POLD1: variants seen among roughly 807,000 people sequenced by gnomAD.
POLD1 encodes the protein DNA polymerase delta catalytic subunit.
Under a neutral mutation model 129.7 loss-of-function variants are expected in POLD1, and 79 were observed. The ratio of observed to expected loss-of-function variants is 0.61; its 90% CI spans 0.51 to 0.73. The LOEUF (loss-of-function observed/expected upper bound fraction) is 0.73, where lower values mean the gene tolerates loss of function less well. Ranked by LOEUF, POLD1 falls within the 30% of genes least tolerant of loss-of-function variation. The probability of loss-of-function intolerance (pLI) is 0.00; values close to 1 mark genes in which losing one functional copy is unlikely to be tolerated. For synonymous variants in POLD1, 714 were observed against 683.3 expected, an observed-to-expected ratio of 1.04 and a Z score of -0.70; for missense variants, 1,338 against 1,595.8, an observed-to-expected ratio of 0.84 and a Z score of 2.75.
In POLD1 at chr19:50,401,698, C is replaced by G. The variant is rs2122230698; in HGVS notation, c.317-80C>G. 3.3e-6 allele frequency: 5 copies of G among 1,513,118 alleles called. No homozygotes were observed. The Admixed American group carries it at 6.7e-5, about 20-fold the overall frequency. 93.7% of individuals were successfully genotyped at this position (1,513,118 alleles called of 1,614,324 possible). A position where few individuals can be genotyped will look rare whatever the true frequency, so the allele number is the denominator to read the frequency against. On this transcript the variant is annotated intron_variant, in intron 3 of 26. Transcript: ENST00000440232. ...CAGGAGTGCCCCAGGCTGCAGGCCCCAAGGTATTTCGAGGCTGTGGAGACA... is the reference window on the plus strand; with the variant it reads ...CAGGAGTGCCCCAGGCTGCAGGCCCGAAGGTATTTCGAGGCTGTGGAGACA...
intron 1 of POLD1, among the ~76,000 whole-genome samples, chr19:50,389,303 A>G (rs1049755695): frequency 2.0e-5 from 3 of 151,664 alleles, no homozygotes; most frequent in East Asian, 1.9e-4. Context: ...TATATTGTTT[A>G]TAGAGACAGG....
chr19:50,407,138 C>G lies in POLD1; in HGVS notation c.1650C>G (p.Gly550=), dbSNP rs1347433333. 4 of 1,612,696 alleles carry G rather than the reference C, an allele frequency of 2.5e-6. No individual in the cohort carries two copies. The South Asian group carries it at 4.4e-5, about 18-fold the overall frequency. ...GVPLSYLLSR[G]QQVKVVSQLL... is the part of the protein sequence containing the mutation. ...CCCTCAGCTACCTGCTCAGTCGTGG[C>G]CAGCAGGTCAAGGTCGTATCCCAGC... Residue 550 remains glycine, a synonymous_variant, in exon 13 of 27, where the codon GGC becomes GGG. Transcript: ENST00000440232.
intron 19 of POLD1, 78 bp from the exon 20 acceptor site, chr19:50,414,737 C>T (rs2039210853): frequency 1.1e-5 from 13 of 1,224,530 alleles, no homozygotes; most frequent in Admixed American, 2.6e-5. Flanking sequence ...CCCTGTCTAC[C>T]TTCAGTTTCT....
At chr19:50,401,379 ATATATATATATATTTTTTT>A (rs1315717402) in intron 3 of POLD1, among the ~76,000 whole-genome samples, 12 of 55,074 alleles carry the variant, frequency 2.2e-4, no homozygotes, top group Non-Finnish European at 4.5e-4. Context: ...ATATATATAT[ATATATATATATATTTTTTT>A]TTTTTTTTTT....
At position 50,416,721 on chromosome 19, in the gene POLD1, A is replaced by G. The variant is rs2039311344; in HGVS notation, c.3065A>G (p.Gln1022Arg). ...CIGCRTVLSHQGAVCEFCQPR... is the reference protein window; with the variant it reads ...CIGCRTVLSHRGAVCEFCQPR... ...GGCTGCCGCACAGTGCTCAGCCACCAGGGTGAGCGGCCCTGGCCACTGGGC... is the reference window on the plus strand; with the variant it reads ...GGCTGCCGCACAGTGCTCAGCCACCGGGGTGAGCGGCCCTGGCCACTGGGC... The change falls in exon 24 of 27, where the codon CAG becomes CGG. Residue 1022 changes from glutamine (Q) to arginine (R), a missense_variant and splice_region_variant. By Grantham distance (43) the Gln-to-Arg change is conservative. Transcript: ENST00000440232. 1 of 1,532,922 alleles carries G rather than the reference A, an allele frequency of 6.5e-7. No individual in the cohort carries two copies. The highest frequency in any genetic ancestry group is 8.7e-7 in the Non-Finnish European group (1 of 1,142,966). 95.0% of individuals were successfully genotyped at this position (1,532,922 alleles called of 1,614,324 possible).
At chr19:50,405,880 A>G (rs552899668) in intron 10 of POLD1, among the ~76,000 whole-genome samples, 1 of 151,840 alleles carries the variant, frequency 6.6e-6, no homozygotes, top group Non-Finnish European at 1.5e-5. Context: ...GTGTCCCCAA[A>G]TCTCTTCCTG....
chr19:50,401,316 A>G (rs1296127832), intron 3 of POLD1, among the ~76,000 whole-genome samples: 1 of 144,438 alleles, frequency 6.9e-6, no homozygotes, highest in Non-Finnish European at 1.5e-5. Context: ...TTTTGTAGAG[A>G]CAAATATATT....
At chr19:50,404,216 T>C (rs887407328) in intron 10 of POLD1, among the ~76,000 whole-genome samples, 1 of 151,836 alleles carries the variant, frequency 6.6e-6, no homozygotes, top group African/African-American at 2.4e-5. Flanking sequence ...CCCCTGTGCC[T>C]CTTCACACCG....
intron 17 of POLD1, among the ~76,000 whole-genome samples, chr19:50,412,737 G>C (rs7508743): frequency 6.9e-6 from 1 of 145,628 alleles, no homozygotes; most frequent in African/African-American, 2.8e-5. Flanking sequence ...GGTGGTGGTG[G>C]TGTTGTTGTT....
intron 1 of POLD1, among the ~76,000 whole-genome samples, chr19:50,389,131 T>C (rs966910730): frequency 4.0e-4 from 59 of 148,486 alleles, no homozygotes; most frequent in African/African-American, 1.5e-3. Context: ...GCACCTGGCC[T>C]CTTTTTTTTT....
Position 50,413,456 on chromosome 19 carries a change from G to A in POLD1, c.2185G>A (p.Glu729Lys), listed in dbSNP as rs200931999. The A allele has an allele frequency of 6.1e-5, 98 of 1,613,218 alleles. No homozygotes were observed. Among genetic ancestry groups the A allele is most frequent in the Admixed American group, 2.7e-4 (16 of 59,936 alleles). Reference protein sequence around the residue: ...SVTGFGRQMIEKTKQLVESKY... With the variant: ...SVTGFGRQMIKKTKQLVESKY... ...CACGGGGTTCGGACGTCAGATGATC[G>A]AGAAAACCAAGCAGCTGGTGGAGTC... Residue 729 changes from glutamate to lysine, a missense_variant, in exon 18 of 27, where the codon GAG becomes AAG. By Grantham distance (56) the Glu-to-Lys change is moderately conservative. Around this residue, in one of 3 missense-constraint regions of POLD1, gnomAD observed 720 missense variants for 1,002.6 expected, o/e 0.72. Transcript: ENST00000440232.
At chr19:50,416,964 C>A (rs2122501932) in intron 24 of POLD1, 81 bp from the exon 25 acceptor site, 1 of 1,409,140 alleles carries the variant, frequency 7.1e-7, no homozygotes, top group South Asian at 1.3e-5. Flanking sequence ...CTTTCAGAAG[C>A]TGGGATTGGC....
intron 1 of POLD1, among the ~76,000 whole-genome samples, chr19:50,396,126 G>A (rs2122165621): frequency 1.4e-5 from 2 of 141,762 alleles, no homozygotes; most frequent in South Asian, 2.4e-4. Context: ...TTGCTGTGTT[G>A]CCCAGGCTAA....
chr19:50,390,883 G>T (rs961045390), intron 1 of POLD1, among the ~76,000 whole-genome samples: 4 of 152,116 alleles, frequency 2.6e-5, no homozygotes, highest in Non-Finnish European at 4.4e-5. Context: ...CAGAGAGCAC[G>T]GGGTTGGGGG....
At chr19:50,395,132 G>A (rs1313820077) in intron 1 of POLD1, 2 of 150,450 alleles carry the variant, frequency 1.3e-5, no homozygotes, top group Non-Finnish European at 3.0e-5. Context: ...TGCGAGCCAC[G>A]GTGCCCAGCT....
chr19:50,403,669 C>A, intron 10 of POLD1, 72 bp downstream of exon 10: 1 of 936,878 alleles, frequency 1.1e-6, no homozygotes, highest in South Asian at 1.3e-5. Flanking sequence ...GGCCTCCTTC[C>A]CACTCCCTCT....
rs2038686032 is a variant in POLD1 at position 50,402,438 on chromosome 19, C to T, written c.759-16C>T. On this transcript the variant is annotated splice_polypyrimidine_tract_variant and intron_variant, in intron 6 of 26. Coordinates refer to ENST00000440232, the MANE Select transcript of POLD1 (RefSeq NM_002691.4). ...CCTCGGGCAGCCCCTGTCCACTGAC[C>T]CCCAGCCCCCTCCAGGTTCATGGTG... is the stretch of plus-strand genomic sequence containing the variant. 1.2e-6 allele frequency: 2 copies of T among 1,612,658 alleles called. No individual in the cohort carries two copies. Among genetic ancestry groups the T allele is most frequent in the South Asian group, 1.1e-5 (1 of 90,854 alleles).
At chr19:50,390,572 A>ATTTTTTTTTTT (rs563258123) in intron 1 of POLD1, among the ~76,000 whole-genome samples, 4 of 136,114 alleles carry the variant, frequency 2.9e-5, no homozygotes, top group African/African-American at 1.1e-4. Context: ...CTTGAGAACT[A>ATTTTTTTTTTT]TTTTTTTTTT....
intron 1 of POLD1, among the ~76,000 whole-genome samples, chr19:50,397,142 A>T (rs1350432947): frequency 2.4e-4 from 34 of 141,148 alleles, no homozygotes; most frequent in Admixed American, 5.7e-4. Flanking sequence ...CTCACGCCTG[A>T]AATCTCAGCA....
Sources: allele counts gnomAD v4.1 joint callset (sites outside exome capture counted in the v4.1 genomes callset), GRCh38; gene constraint gnomAD v4.1.1; regional missense constraint gnomAD v4.1.1; transcripts MANE v1.5; gene names NCBI Gene and HGNC (gene_info 2026-07-23, HGNC 2026-07-21).